The following SPECC1 variants were observed in gnomAD, a reference collection of about 807,000 sequenced individuals.
SPECC1 encodes the protein cytospin-B.
Under a neutral mutation model 104.1 loss-of-function variants are expected in SPECC1, and 62 were observed. The observed-to-expected ratio is 0.60, with a 90% CI of 0.49 to 0.74. SPECC1 has a LOEUF of 0.74. Ranked by LOEUF, SPECC1 falls within the 30% of genes least tolerant of loss-of-function variation. The pLI is 0.00. For missense variants in SPECC1, 1,306 were observed against 1,310.5 expected (o/e 1.00, Z 0.05); for synonymous variants, 513 against 501.6 (o/e 1.02, Z -0.30).
chr17:20,288,847 G>A (rs1055451925), intron 12 of SPECC1, among the ~76,000 whole-genome samples: 7 of 140,060 alleles, frequency 5.0e-5, no homozygotes, highest in Admixed American at 3.1e-4. Context: ...GCAGTGGTGC[G>A]ATCTCGGCTA....
At chr17:20,246,982 C>T (rs1391587149) in intron 8 of SPECC1, among the ~76,000 whole-genome samples, 1 of 152,174 alleles carries the variant, frequency 6.6e-6, no homozygotes, top group African/African-American at 2.4e-5. Context: ...ATTATTTATA[C>T]AGTTTCTTTT....
At chr17:20,119,612 A>C (rs892309566) in intron 3 of SPECC1, among the ~76,000 whole-genome samples, 1 of 152,236 alleles carries the variant, frequency 6.6e-6, no homozygotes, top group East Asian at 1.9e-4. Flanking sequence ...GTACATTGTC[A>C]TGCTGTCCCC....
chr17:20,144,877 G>C (rs2031282439), intron 3 of SPECC1, among the ~76,000 whole-genome samples: 1 of 152,184 alleles, frequency 6.6e-6, no homozygotes, highest in African/African-American at 2.4e-5. Flanking sequence ...CAGTGGCTGA[G>C]ACAAGTACAG....
chr17:20,172,943 A>G (rs796665202), intron 3 of SPECC1, among the ~76,000 whole-genome samples: 3 of 152,158 alleles, frequency 2.0e-5, no homozygotes, highest in African/African-American at 4.8e-5. Flanking sequence ...GAGAAAAGGC[A>G]CTCTAGGTGC....
At chr17:20,310,379 C>T (rs1485594694) in intron 14 of SPECC1, among the ~76,000 whole-genome samples, 4 of 152,126 alleles carry the variant, frequency 2.6e-5, no homozygotes, top group African/African-American at 9.7e-5. Flanking sequence ...TTCTCCACAG[C>T]CTTGTCAGCA....
At chr17:20,113,433 C>T (rs1389082471) in intron 3 of SPECC1, among the ~76,000 whole-genome samples, 7 of 151,902 alleles carry the variant, frequency 4.6e-5, no homozygotes, top group Admixed American at 6.6e-5. Flanking sequence ...AAAAACTTTA[C>T]GAAAACTTGG....
intron 3 of SPECC1, among the ~76,000 whole-genome samples, chr17:20,145,322 G>A (rs1469819432): frequency 3.3e-5 from 5 of 152,134 alleles, no homozygotes; most frequent in South Asian, 2.1e-4. Flanking sequence ...CACCGGATTC[G>A]CTGGATTGTA....
At chr17:20,188,404 C>G (rs1053447451) in intron 3 of SPECC1, among the ~76,000 whole-genome samples, 2 of 151,860 alleles carry the variant, frequency 1.3e-5, no homozygotes, top group Non-Finnish European at 2.9e-5. Context: ...GATACAGGTG[C>G]GCACCACCAC....
chr17:20,096,251 C>T (rs1301554853), intron 1 of SPECC1, among the ~76,000 whole-genome samples: 1 of 152,136 alleles, frequency 6.6e-6, no homozygotes, highest in East Asian at 1.9e-4. Context: ...CCTTTGTCAA[C>T]CCTAAAGCCA....
intron 3 of SPECC1, among the ~76,000 whole-genome samples, chr17:20,156,663 C>CAAG (rs972667322): frequency 3.3e-5 from 5 of 152,184 alleles, no homozygotes; most frequent in Non-Finnish European, 7.4e-5. Context: ...CCCTCACACT[C>CAAG]ACGCCAGGGC....
At chr17:20,044,406 A>G (rs559690148) in intron 1 of SPECC1, among the ~76,000 whole-genome samples, 5 of 152,182 alleles carry the variant, frequency 3.3e-5, no homozygotes, top group Admixed American at 3.3e-4. Context: ...TTCAGCCTCT[A>G]CTTGGGAGAT....
chr17:20,225,684 C>CGGT (rs1397476219), intron 4 of SPECC1, among the ~76,000 whole-genome samples: 1 of 151,958 alleles, frequency 6.6e-6, no homozygotes, highest in Non-Finnish European at 1.5e-5. Flanking sequence ...CTCCCCTCTC[C>CGGT]GGTGCATCTT....
At chr17:20,023,149 T>C (rs2044462314) in intron 1 of SPECC1, among the ~76,000 whole-genome samples, 1 of 152,244 alleles carries the variant, frequency 6.6e-6, no homozygotes, top group Non-Finnish European at 1.5e-5. Context: ...CAGGGCCGTG[T>C]GTTCCCTTGG....
At chr17:20,012,307 T>C (rs967150541) in intron 1 of SPECC1, among the ~76,000 whole-genome samples, 14 of 151,936 alleles carry the variant, frequency 9.2e-5, no homozygotes, top group Non-Finnish European at 8.8e-5. Context: ...CCTTAACTTA[T>C]TTTTTTTCTC....
At chr17:20,222,558 T>A (rs986103974) in intron 4 of SPECC1, among the ~76,000 whole-genome samples, 3 of 152,256 alleles carry the variant, frequency 2.0e-5, no homozygotes, top group Admixed American at 6.5e-5. Flanking sequence ...TTGTTTCTAT[T>A]TACAGCTTAT....
Position 20,314,098 on chromosome 17 carries a change from C to CCTA in SPECC1, c.*36_*38dup. The CCTA allele has an allele frequency of 6.3e-7, 1 of 1,586,374 alleles. No individual in the cohort carries two copies. Among genetic ancestry groups the CCTA allele is most frequent in the Non-Finnish European group, 8.6e-7 (1 of 1,157,340 alleles). On this transcript the variant is annotated 3_prime_UTR_variant, in exon 15 of 15. Coordinates refer to ENST00000395527, the MANE Select transcript of SPECC1 (RefSeq NM_001243439.2). ...GGGCCTGGGGCAGCCACCATTGCCA[C>CCTA]CTACTGCAGCTTTTCCTGGAAGCGC...
At position 20,094,943 on chromosome 17, in the gene SPECC1, G is replaced by A. The variant is rs114082345; in HGVS notation, c.-21-1688G>A. On this transcript the variant is annotated intron_variant, in intron 1 of 14. Transcript: ENST00000395527. ...GTAATTCTAATCATAACATAAAAGG[G>A]TGTCTTGATTAAACAGATACTTTAT... is the stretch of plus-strand genomic sequence containing the variant. 3.1e-3 allele frequency among the ~76,000 whole-genome samples: 477 copies of A among 152,326 alleles called. 4 individuals carry two copies. The highest frequency in any genetic ancestry group is 0.011 in the African/African-American group (449 of 41,552).
intron 2 of SPECC1, among the ~76,000 whole-genome samples, chr17:20,110,008 A>G (rs2048404045): frequency 6.6e-6 from 1 of 151,280 alleles, no homozygotes; most frequent in South Asian, 2.1e-4. Context: ...CCAGCTAATT[A>G]AAAAAAAATA....
At chr17:20,311,688 T>A (rs1026978721) in intron 14 of SPECC1, among the ~76,000 whole-genome samples, 1 of 152,126 alleles carries the variant, frequency 6.6e-6, no homozygotes. Context: ...CAGTTTTAAA[T>A]AGGACAGATG....
Sources: gnomAD v4.1 joint callset for allele counts (sites outside exome capture counted in the v4.1 genomes callset) on GRCh38, gnomAD v4.1.1 for gene constraint, MANE v1.5 for transcripts, NCBI Gene and HGNC (gene_info 2026-07-23, HGNC 2026-07-21) for gene names.